SEC14L5: variants seen among roughly 807,000 people sequenced by gnomAD.
The protein encoded by SEC14L5 is SEC14 like lipid binding 5.
A neutral mutation model predicts 84.6 loss-of-function variants in SEC14L5; 96 were observed. That is an observed-to-expected ratio of 1.13 (90% CI 0.96 to 1.34). The LOEUF (loss-of-function observed/expected upper bound fraction) is 1.34. SEC14L5 is among the 40% of genes most tolerant of loss of function. The probability of loss-of-function intolerance (pLI) is 0.00; values close to 1 mark genes in which losing one functional copy is unlikely to be tolerated. For synonymous variants in SEC14L5, 546 were observed against 383.4 expected, an observed-to-expected ratio of 1.42 and a Z score of -4.95; for missense variants, 1,224 against 942.5, an observed-to-expected ratio of 1.30 and a Z score of -3.91.
intron 15 of SEC14L5, among the ~76,000 whole-genome samples, chr16:5,013,980 A>G (rs945932748): frequency 3.3e-5 from 5 of 152,210 alleles, no homozygotes; most frequent in African/African-American, 1.2e-4. Context: ...GGCGTAAGCC[A>G]TGGCACCTGG....
chr16:4,963,559 T>A (rs958123935), intron 2 of SEC14L5, among the ~76,000 whole-genome samples: 1 of 152,272 alleles, frequency 6.6e-6, no homozygotes, highest in Non-Finnish European at 1.5e-5. Context: ...CTGGCCAGAC[T>A]GGTCTTGAAC....
intron 2 of SEC14L5, among the ~76,000 whole-genome samples, chr16:4,965,093 G>A (rs1353425310): frequency 6.6e-6 from 1 of 152,140 alleles, no homozygotes; most frequent in African/African-American, 2.4e-5. Context: ...AAAGCTATAT[G>A]TCTTTAACGT....
chr16:5,015,658 C>A lies in SEC14L5; in HGVS notation c.*688C>A, dbSNP rs999403271. On this transcript the variant is annotated 3_prime_UTR_variant, in exon 16 of 16. Transcript: ENST00000251170. ...GCCTCGAGGAGTACTGGGGTCCCCC[C>A]TAAGAAGAAGGAGGAAGGATGCTGG... The A allele has an allele frequency of 6.6e-6, 1 of 152,514 alleles. No homozygotes were observed. Among genetic ancestry groups the A allele is most frequent in the Admixed American group, 6.5e-5 (1 of 15,302 alleles). The allele number at this position is 152,514 out of a possible 1,614,324, so 9.4% of individuals were successfully genotyped here.
rs1240353128 is a variant in SEC14L5, at chr16:4,990,943, C to T, written c.474+48C>T. 6 of 1,478,974 alleles carry T rather than the reference C, an allele frequency of 4.1e-6. No individual in the cohort carries two copies. The East Asian group carries it at 1.0e-4, about 26-fold the overall frequency. 91.6% of individuals were successfully genotyped at this position (1,478,974 alleles called of 1,614,324 possible). ...TACTGGAGGAAGGTGCACACACCTG[C>T]TCTGCCATCAACAGCTGCATGACCC... On this transcript the variant is annotated intron_variant, in intron 5 of 15. Coordinates refer to ENST00000251170, the MANE Select transcript of SEC14L5 (RefSeq NM_014692.2).
intron 4 of SEC14L5, 124 bp from the exon 5 acceptor site, chr16:4,990,642 GT>G: frequency 2.2e-6 from 2 of 911,984 alleles, no homozygotes; most frequent in Non-Finnish European, 3.1e-6. Context: ...CCCATCCAGG[GT>G]TGCCAGGCTT....
At chr16:5,009,509 A>C (rs1273609576) in intron 14 of SEC14L5, among the ~76,000 whole-genome samples, 1 of 151,990 alleles carries the variant, frequency 6.6e-6, no homozygotes, top group Non-Finnish European at 1.5e-5. Flanking sequence ...TTTTTTGTAG[A>C]GATGGGGTCT....
chr16:4,977,396 G>A (rs772689572), intron 2 of SEC14L5, among the ~76,000 whole-genome samples: 3 of 118,676 alleles, frequency 2.5e-5, no homozygotes, highest in African/African-American at 3.2e-5. Flanking sequence ...GCAGTGAGCT[G>A]AGATCGTGCC....
chr16:5,011,085 T>C lies in SEC14L5; in HGVS notation c.1801-10T>C. On this transcript the variant is annotated splice_polypyrimidine_tract_variant and intron_variant, in intron 14 of 15. Coordinates refer to ENST00000251170, the MANE Select transcript of SEC14L5 (RefSeq NM_014692.2). The stretch of plus-strand genomic sequence containing the variant: ...GCGCAGGGCCTCAGGGCAGGGCTGA[T>C]GTGTTTCAGGGCTCCCATGTGACCC... 6.3e-7 allele frequency: 1 copy of C among 1,590,338 alleles called. No homozygotes were observed.
chr16:5,011,305 G>C, intron 15 of SEC14L5, 32 bp downstream of exon 15: 1 of 1,598,786 alleles, frequency 6.3e-7, no homozygotes. Flanking sequence ...GTCCTGGGCA[G>C]GAAGGACCCT....
In SEC14L5 at chr16:4,969,818, TCC is replaced by T. The variant is rs375478714; in HGVS notation, c.63+10433_63+10434del. Among the ~76,000 whole-genome samples, 71 of 123,086 alleles carry T rather than the reference TCC, an allele frequency of 5.8e-4. 1 individual carries two copies. Among genetic ancestry groups the T allele is most frequent in the Non-Finnish European group, 6.4e-4 (34 of 52,758 alleles). 80.7% of individuals were successfully genotyped at this position (123,086 alleles called of 152,430 possible). A position where few individuals can be genotyped will look rare whatever the true frequency, so the allele number is the denominator to read the frequency against. On this transcript the variant is annotated intron_variant, in intron 2 of 15. Coordinates refer to ENST00000251170, the MANE Select transcript of SEC14L5 (RefSeq NM_014692.2). ...TCTGTCTTGTCTGGTTCTTTTTCTT[TCC>T]TTTTTTTTTTTTTTTTGAGACTGGT...
At chr16:4,979,565 C>G (rs1044310241) in intron 2 of SEC14L5, among the ~76,000 whole-genome samples, 3 of 152,186 alleles carry the variant, frequency 2.0e-5, no homozygotes, top group African/African-American at 7.2e-5. Flanking sequence ...TACTCATCGG[C>G]ACCTTTTGGT....
rs1596634248 is a variant in SEC14L5 at position 4,996,568 on chromosome 16, T to G, written c.780+108T>G. The G allele has an allele frequency of 4.7e-6, 3 of 633,986 alleles. No homozygotes were observed. In the East Asian group the frequency reaches 8.3e-5, roughly 17 times the overall value. The allele number at this position is 633,986 out of a possible 1,614,324, so 39.3% of individuals were successfully genotyped here. A position where few individuals can be genotyped will look rare whatever the true frequency, so the allele number is the denominator to read the frequency against. On this transcript the variant is annotated intron_variant, in intron 7 of 15. Transcript: ENST00000251170. ...GATGATAATGCTGACACATTATCTC[T>G]TGCTTATTTATTTATTTATTCATTT...
At chr16:5,008,747 C>A in intron 14 of SEC14L5, 99 bp downstream of exon 14, 2 of 1,075,360 alleles carry the variant, frequency 1.9e-6, no homozygotes, top group South Asian at 1.4e-5. Flanking sequence ...TACTGGGCTG[C>A]TGGTCCCCAG....
At chr16:4,966,168 G>A (rs548569185) in intron 2 of SEC14L5, among the ~76,000 whole-genome samples, 76 of 151,280 alleles carry the variant, frequency 5.0e-4, no homozygotes, top group African/African-American at 1.7e-3. Flanking sequence ...GGGTTTCACT[G>A]TGTTAGCCAG....
intron 10 of SEC14L5, among the ~76,000 whole-genome samples, chr16:5,002,941 G>A (rs1037827260): frequency 1.3e-5 from 2 of 152,200 alleles, no homozygotes; most frequent in African/African-American, 2.4e-5. Flanking sequence ...ATCAGACCTT[G>A]GTGATGACCT....
intron 2 of SEC14L5, among the ~76,000 whole-genome samples, chr16:4,973,658 G>C (rs896496885): frequency 3.3e-5 from 5 of 150,328 alleles, no homozygotes; most frequent in Admixed American, 6.7e-5. Flanking sequence ...CATGTCTTAT[G>C]TGATTTCTTT....
rs1376203888 is a variant in SEC14L5 at position 4,996,932 on chromosome 16, C to T, written c.858C>T (p.Arg286=). 2 of 1,613,590 alleles carry T rather than the reference C, an allele frequency of 1.2e-6. No homozygotes were observed. The highest frequency in any genetic ancestry group is 1.1e-5 in the South Asian group (1 of 91,058). ...TGGACAAGGCCCGGGAAATGCTGCG[C>T]CAGTCCTTGAGCTGGCGCAAGCAGC... ...FHLDKAREML[R]QSLSWRKQHQ... is the part of the protein sequence containing the mutation. Residue 286 remains arginine (R), a synonymous_variant, in exon 8 of 16, where the codon CGC becomes CGT. Transcript: ENST00000251170.
In SEC14L5 at chr16:5,016,336, C is replaced by T. The variant is rs1343358752; in HGVS notation, c.*1366C>T. 1 of 152,232 alleles carries T rather than the reference C, an allele frequency of 6.6e-6. No homozygotes were observed. Among genetic ancestry groups the T allele is most frequent in the Non-Finnish European group, 1.5e-5 (1 of 68,046 alleles). The allele number at this position is 152,232 out of a possible 1,614,324, so 9.4% of individuals were successfully genotyped here. On this transcript the variant is annotated 3_prime_UTR_variant, in exon 16 of 16. Transcript: ENST00000251170. ...AGGGGTCACCAACTTGAAGCCTGATCTGGCCTGCTTTTAGTGTTGCTTTTT... is the reference window on the plus strand; with the variant it reads ...AGGGGTCACCAACTTGAAGCCTGATTTGGCCTGCTTTTAGTGTTGCTTTTT...
At position 5,018,913 on chromosome 16, in the gene SEC14L5, T is replaced by G. The variant is rs532812183; in HGVS notation, c.*3943T>G. On this transcript the variant is annotated 3_prime_UTR_variant, in exon 16 of 16. Coordinates refer to ENST00000251170, the MANE Select transcript of SEC14L5 (RefSeq NM_014692.2). ...CTTTGAGCCAGTGAAACACGATGGGTTTTTTTGTTTGCCTGATCACTTGCT... is the reference window on the plus strand; with the variant it reads ...CTTTGAGCCAGTGAAACACGATGGGGTTTTTTGTTTGCCTGATCACTTGCT... The G allele has an allele frequency of 6.6e-6, 1 of 152,296 alleles. No homozygotes were observed. The highest frequency in any genetic ancestry group is 2.4e-5 in the African/African-American group (1 of 41,574). The allele number at this position is 152,296 out of a possible 1,614,324, so 9.4% of individuals were successfully genotyped here. A position where few individuals can be genotyped will look rare whatever the true frequency, so the allele number is the denominator to read the frequency against.
Sources: allele counts gnomAD v4.1 joint callset (sites outside exome capture counted in the v4.1 genomes callset), GRCh38; gene constraint gnomAD v4.1.1; transcripts MANE v1.5; gene names NCBI Gene and HGNC (gene_info 2026-07-23, HGNC 2026-07-21).